Variants in FAM131B observed in about 807,000 individuals in gnomAD.
FAM131B encodes the protein protein FAM131B.
Under a neutral mutation model 42.0 loss-of-function variants are expected in FAM131B, and 19 were observed. That is an observed-to-expected ratio of 0.45 (90% CI 0.32 to 0.66). The LOEUF is 0.66. Among genes scored for constraint, FAM131B ranks in the 30% least tolerant of loss-of-function variants. The probability of loss-of-function intolerance (pLI) is 0.05; values close to 1 mark genes in which losing one functional copy is unlikely to be tolerated. For synonymous variants in FAM131B, 183 were observed against 177.6 expected (o/e 1.03, Z -0.24); for missense variants, 370 against 468.4 (o/e 0.79, Z 1.94).
rs922498359 is a variant in FAM131B, at chr7:143,356,466, G to C, written c.*84C>G. 39 of 1,021,562 alleles carry C rather than the reference G, an allele frequency of 3.8e-5. No individual in the cohort carries two copies. The highest frequency in any genetic ancestry group is 8.9e-6 in the Non-Finnish European group (6 of 672,330). The allele number at this position is 1,021,562 out of a possible 1,614,324, so 63.3% of individuals were successfully genotyped here. A position where few individuals can be genotyped will look rare whatever the true frequency, so the allele number is the denominator to read the frequency against. ...CCCCAATGTTGTCTGCCCAGTTTCAGCTGTACTGCTGGGGGGAGGGAGGGT... is the reference window on the plus strand; with the variant it reads ...CCCCAATGTTGTCTGCCCAGTTTCACCTGTACTGCTGGGGGGAGGGAGGGT... On this transcript the variant is annotated 3_prime_UTR_variant, in exon 7 of 7. Transcript: ENST00000443739. This position sits in a 1 kb window ranked among gnomAD's most constrained non-coding sequence, Gnocchi z 4.4.
Position 143,359,841 on chromosome 7 carries a change from G to A in FAM131B, c.139-74C>T. 7.0e-7 allele frequency: 1 copy of A among 1,427,622 alleles called. No homozygotes were observed. Among genetic ancestry groups the A allele is most frequent in the Admixed American group, 2.0e-5 (1 of 50,882 alleles). The allele number at this position is 1,427,622 out of a possible 1,614,324, so 88.4% of individuals were successfully genotyped here. ...TGCAAGGAAGCCCCCTTCCTCAGAG[G>A]GCCTTCCAGGAGTGCGGGATGTGGG... is the stretch of plus-strand genomic sequence containing the variant. On this transcript the variant is annotated intron_variant, in intron 2 of 6. Transcript: ENST00000443739. The surrounding 1 kb of genome is among the most constrained non-coding windows in gnomAD (Gnocchi z 5.4).
At chr7:143,366,037 C>T (rs1804174178), upstream of FAM131B, among the ~76,000 whole-genome samples, 1 of 152,204 alleles carries the variant, frequency 6.6e-6, no homozygotes, top group African/African-American at 2.4e-5. Context: ...CAGGTGTGAG[C>T]CATCGCACCT....
chr7:143,378,320 G>A, the FAM131B span, among the ~76,000 whole-genome samples: 1 of 152,098 alleles, frequency 6.6e-6, no homozygotes, highest in Non-Finnish European at 1.5e-5. Context: ...GTGCACTCTT[G>A]AAGAAAACTT....
rs1448726342 is a variant in FAM131B, at chr7:143,362,566, CG to C, written c.28+9del. 3 of 1,218,462 alleles carry C rather than the reference CG, an allele frequency of 2.5e-6. No homozygotes were observed. The highest frequency in any genetic ancestry group is 3.1e-6 in the Non-Finnish European group (3 of 978,262). 75.5% of individuals were successfully genotyped at this position (1,218,462 alleles called of 1,614,324 possible). On this transcript the variant is annotated intron_variant, in intron 1 of 6. Transcript: ENST00000443739. This position sits in a 1 kb window ranked among gnomAD's most constrained non-coding sequence, Gnocchi z 7.7. ...GCCCAGCCCTGCCCCCGCCCGGCCG[CG>C]GTACCCACCCACAGTCCGGGAGCCG...
the FAM131B span, chr7:143,381,949 G>A: frequency 1.4e-6 from 1 of 731,618 alleles, no homozygotes; most frequent in Non-Finnish European, 2.2e-6. Flanking sequence ...TGGGAGCCAG[G>A]GCTCCTGGGA....
At chr7:143,368,915 G>C in the FAM131B span, among the ~76,000 whole-genome samples, 1 of 152,144 alleles carries the variant, frequency 6.6e-6, no homozygotes, top group South Asian at 2.1e-4. Flanking sequence ...TAAATAATGT[G>C]TTTAATACAT....
chr7:143,372,721 G>A, the FAM131B span, among the ~76,000 whole-genome samples: 2 of 152,150 alleles, frequency 1.3e-5, no homozygotes, highest in Admixed American at 1.3e-4. Context: ...CACTTTGGGA[G>A]GCTGAGACAG....
At position 143,356,211 on chromosome 7, in the gene FAM131B, T is replaced by C. The variant is rs575636984; in HGVS notation, c.*339A>G. The C allele has an allele frequency of 6.7e-6, 2 of 298,442 alleles. No individual in the cohort carries two copies. Among genetic ancestry groups the C allele is most frequent in the Admixed American group, 9.2e-5 (2 of 21,640 alleles). 18.5% of individuals were successfully genotyped at this position (298,442 alleles called of 1,614,324 possible). ...CGGGGCGTGAAGAACTGAGATCCAG[T>C]CTTGAGCACAGCTGCGCTGCCCCCG... On this transcript the variant is annotated 3_prime_UTR_variant, in exon 7 of 7. Coordinates refer to ENST00000443739, the MANE Select transcript of FAM131B (RefSeq NM_001031690.3). The surrounding 1 kb of genome is among the most constrained non-coding windows in gnomAD (Gnocchi z 4.4).
intron 1 of FAM131B, chr7:143,360,901 G>A (rs565055653): frequency 6.6e-6 from 1 of 152,406 alleles, no homozygotes; most frequent in African/African-American, 2.4e-5. Flanking sequence ...GGGGAAGGAG[G>A]GTCCTTGTTA....
chr7:143,372,380 T>C, the FAM131B span, among the ~76,000 whole-genome samples: 2 of 152,216 alleles, frequency 1.3e-5, no homozygotes, highest in Non-Finnish European at 2.9e-5. Flanking sequence ...TGAGCTGGTA[T>C]GGACGTGAAT....
the FAM131B span, chr7:143,380,369 A>G: frequency 1.0e-6 from 1 of 984,856 alleles, no homozygotes; most frequent in Non-Finnish European, 1.2e-6. This position sits in a 1 kb window ranked among gnomAD's most constrained non-coding sequence, Gnocchi z 5.0. Context: ...AATGCCCAAG[A>G]GCTCCACCGT....
At chr7:143,371,208 T>C in the FAM131B span, among the ~76,000 whole-genome samples, 1 of 152,016 alleles carries the variant, frequency 6.6e-6, no homozygotes, top group South Asian at 2.1e-4. Flanking sequence ...TAGTGAGAAG[T>C]GGTGGGGCAG....
the FAM131B span, chr7:143,380,543 C>CGCCTCG: frequency 6.1e-6 from 6 of 985,392 alleles, no homozygotes; most frequent in Admixed American, 6.1e-5. The surrounding 1 kb of genome is among the most constrained non-coding windows in gnomAD (Gnocchi z 5.0). Flanking sequence ...AGGCGGCCGC[C>CGCCTCG]GCCTCGGCCC....
Position 143,354,362 on chromosome 7 carries a change from C to T in FAM131B, c.*2188G>A, listed in dbSNP as rs113104457. ...TAACTCCCCCGGGCCTGAGCAAAAA[C>T]GAACTGTAATGAATGAACGCACTCA... is the stretch of plus-strand genomic sequence containing the variant. On this transcript the variant is annotated 3_prime_UTR_variant, in exon 7 of 7. Transcript: ENST00000443739. 3 of 152,272 alleles carry T rather than the reference C, an allele frequency of 2.0e-5. No homozygotes were observed. The highest frequency in any genetic ancestry group is 7.2e-5 in the African/African-American group (3 of 41,528). The allele number at this position is 152,272 out of a possible 1,614,324, so 9.4% of individuals were successfully genotyped here.
At position 143,358,920 on chromosome 7, in the gene FAM131B, C is replaced by T. The variant is rs1003753476; in HGVS notation, c.373G>A (p.Val125Ile). The part of the protein sequence containing the change: ...EWQGWGKTPA[V>I]QPQHSHESVR... ...GACTCATGGCTGTGTTGTGGCTGAA[C>T]AGCTGGTGTCTTCCCCCAGCCCTGC... Residue 125 changes from valine (V) to isoleucine (I), a missense_variant, in exon 5 of 7, where the codon GTT becomes ATT. Transcript: ENST00000443739. The surrounding 1 kb of genome is among the most constrained non-coding windows in gnomAD (Gnocchi z 4.7). The T allele has an allele frequency of 3.1e-6, 5 of 1,613,892 alleles. No homozygotes were observed. Among genetic ancestry groups the T allele is most frequent in the Admixed American group, 1.7e-5 (1 of 60,004 alleles).
At chr7:143,381,345 G>A in the FAM131B span, 6 of 1,145,520 alleles carry the variant, frequency 5.2e-6, no homozygotes, top group Non-Finnish European at 5.4e-6. Flanking sequence ...GGACCGGGAC[G>A]CAGAGTCTGC....
At chr7:143,381,471 G>A in the FAM131B span, 49 of 1,348,016 alleles carry the variant, frequency 3.6e-5, 1 homozygote, top group Non-Finnish European at 4.5e-5. Flanking sequence ...CCGGGAGGGG[G>A]CGAGTGGGGG....
the FAM131B span, chr7:143,381,099 CG>C: frequency 3.2e-6 from 2 of 630,990 alleles, no homozygotes; most frequent in Non-Finnish European, 3.9e-6. Context: ...GCTGGGGCGG[CG>C]GGGGCGGCAG....
chr7:143,376,956 G>A, the FAM131B span, among the ~76,000 whole-genome samples: 12 of 152,186 alleles, frequency 7.9e-5, no homozygotes, highest in African/African-American at 2.7e-4. Context: ...ATTAACTACT[G>A]TTAACAATTC....
Sources: allele counts gnomAD v4.1 joint callset (sites outside exome capture counted in the v4.1 genomes callset), GRCh38; gene constraint gnomAD v4.1.1; non-coding constraint Gnocchi (gnomAD v3.1); transcripts MANE v1.5; gene names NCBI Gene and HGNC (gene_info 2026-07-23, HGNC 2026-07-21).